The following NELL1 variants were observed in gnomAD, a reference collection of about 807,000 sequenced individuals.
The protein encoded by NELL1 is neural EGFL like 1.
NELL1 carries 76 observed loss-of-function variants against 107.4 expected under a neutral mutation model. The observed-to-expected ratio is 0.71, with a 90% CI of 0.59 to 0.86. The LOEUF (loss-of-function observed/expected upper bound fraction) is 0.86, where lower values mean the gene tolerates loss of function less well. Ranked by LOEUF, NELL1 falls within the 40% of genes least tolerant of loss-of-function variation. NELL1 has a pLI of 0.00. For synonymous variants in NELL1, 353 were observed against 341.2 expected, an observed-to-expected ratio of 1.03 and a Z score of -0.38; for missense variants, 1,024 against 1,005.5, an observed-to-expected ratio of 1.02 and a Z score of -0.25.
intron 14 of NELL1, among the ~76,000 whole-genome samples, chr11:21,316,410 AGCC>A (rs1375810568): frequency 1.3e-5 from 2 of 152,206 alleles, no homozygotes; most frequent in Non-Finnish European, 2.9e-5. Flanking sequence ...AAAAGAAGGA[AGCC>A]AAATCACTCA....
chr11:21,496,814 C>T (rs924836424), intron 15 of NELL1, among the ~76,000 whole-genome samples: 2 of 152,096 alleles, frequency 1.3e-5, no homozygotes, highest in South Asian at 4.1e-4. Flanking sequence ...AAGAAGTAAA[C>T]CATTCCTGTG....
chr11:20,691,597 C>T (rs1167726391), intron 2 of NELL1, among the ~76,000 whole-genome samples: 1 of 152,014 alleles, frequency 6.6e-6, no homozygotes, highest in Non-Finnish European at 1.5e-5. Flanking sequence ...TATTGATTTG[C>T]ATATATTGAA....
At chr11:20,928,205 G>A (rs1351580223) in intron 8 of NELL1, among the ~76,000 whole-genome samples, 172 bp from the exon 9 acceptor site, 2 of 152,182 alleles carry the variant, frequency 1.3e-5, no homozygotes, top group East Asian at 1.9e-4. Context: ...AGGTGGTACA[G>A]GTCATTCGGG....
intron 15 of NELL1, among the ~76,000 whole-genome samples, chr11:21,419,042 C>G (rs1328577523): frequency 1.3e-5 from 2 of 152,112 alleles, no homozygotes; most frequent in African/African-American, 2.4e-5. Context: ...TCTGCCACCC[C>G]CTTAATGACA....
intron 2 of NELL1, among the ~76,000 whole-genome samples, chr11:20,704,184 G>C (rs1006134368): frequency 1.3e-5 from 2 of 152,166 alleles, no homozygotes; most frequent in African/African-American, 2.4e-5. Context: ...GAATCTGGGA[G>C]CTGCTGTATT....
intron 2 of NELL1, among the ~76,000 whole-genome samples, chr11:20,700,566 T>A (rs1412541322): frequency 6.6e-6 from 1 of 152,142 alleles, no homozygotes; most frequent in Non-Finnish European, 1.5e-5. Context: ...CATGCAGGTT[T>A]GTTACATGTG....
intron 14 of NELL1, among the ~76,000 whole-genome samples, chr11:21,346,512 TA>T (rs1323686490): frequency 1.4e-5 from 2 of 147,996 alleles, no homozygotes; most frequent in African/African-American, 2.5e-5. Flanking sequence ...AAATATTAAA[TA>T]AATTATATAT....
At chr11:21,129,581 A>G (rs902697785) in intron 13 of NELL1, among the ~76,000 whole-genome samples, 5 of 152,188 alleles carry the variant, frequency 3.3e-5, no homozygotes, top group African/African-American at 9.6e-5. Context: ...CGTTTTAAAA[A>G]GGTAGGAAAT....
At chr11:20,746,372 T>G (rs1398153062) in intron 2 of NELL1, among the ~76,000 whole-genome samples, 1 of 152,176 alleles carries the variant, frequency 6.6e-6, no homozygotes, top group East Asian at 1.9e-4. Context: ...GTTCAAATCC[T>G]TCTCCCCACT....
intron 3 of NELL1, among the ~76,000 whole-genome samples, chr11:20,831,746 C>T (rs778695268): frequency 1.4e-4 from 21 of 152,124 alleles, no homozygotes; most frequent in Admixed American, 2.6e-4. Context: ...ATTTACCTAA[C>T]GGCCAGTTTA....
intron 12 of NELL1, among the ~76,000 whole-genome samples, chr11:21,022,540 C>T (rs1245598711): frequency 6.6e-6 from 1 of 152,082 alleles, no homozygotes; most frequent in Non-Finnish European, 1.5e-5. Flanking sequence ...TTTTCTCTTT[C>T]CAATTTCCCC....
chr11:20,934,372 G>A (rs1213964957), intron 9 of NELL1, among the ~76,000 whole-genome samples: 1 of 152,184 alleles, frequency 6.6e-6, no homozygotes, highest in African/African-American at 2.4e-5. Flanking sequence ...CAGCACCAAA[G>A]CACCCTGCTA....
intron 12 of NELL1, among the ~76,000 whole-genome samples, chr11:21,000,341 G>A (rs1202722535): frequency 6.6e-6 from 1 of 152,100 alleles, no homozygotes; most frequent in South Asian, 2.1e-4. Context: ...AAGTGTTTGT[G>A]TATTACCTAC....
At chr11:21,271,159 A>G (rs913057896) in intron 14 of NELL1, among the ~76,000 whole-genome samples, 1 of 152,012 alleles carries the variant, frequency 6.6e-6, no homozygotes, top group African/African-American at 2.4e-5. Flanking sequence ...AAAATCAATG[A>G]AATTGAAAAC....
Position 20,755,559 on chromosome 11 carries a change from T to A in NELL1, c.185-28121T>A, listed in dbSNP as rs1288427356. 7.1e-3 allele frequency among the ~76,000 whole-genome samples: 125 copies of A among 17,670 alleles called. 2 individuals carry two copies. The highest frequency in any genetic ancestry group is 0.029 in the South Asian group (8 of 274). The allele number at this position is 17,670 out of a possible 152,430, so 11.6% of individuals were successfully genotyped here. ...GTTTTTGTTTTTTTTTGTTTTTGTTTTTGTTTTTTTTTTTTTGAGACAGAA... is the reference window on the plus strand; with the variant it reads ...GTTTTTGTTTTTTTTTGTTTTTGTTATTGTTTTTTTTTTTTTGAGACAGAA... On this transcript the variant is annotated intron_variant, in intron 2 of 19. Coordinates refer to ENST00000357134, the MANE Select transcript of NELL1 (RefSeq NM_006157.5).
At chr11:21,185,640 C>T (rs1424962560) in intron 13 of NELL1, among the ~76,000 whole-genome samples, 2 of 151,688 alleles carry the variant, frequency 1.3e-5, no homozygotes, top group Non-Finnish European at 2.9e-5. Context: ...GTTAACCTTC[C>T]TAAGCCTCGG....
chr11:21,573,879 A>G (rs1382041494), intron 19 of NELL1, among the ~76,000 whole-genome samples: 1 of 151,406 alleles, frequency 6.6e-6, no homozygotes, highest in East Asian at 2.0e-4. Context: ...AGGGGAAAAA[A>G]GTCCTCTCAA....
intron 2 of NELL1, among the ~76,000 whole-genome samples, chr11:20,696,784 G>A (rs143658261): frequency 3.9e-5 from 6 of 152,198 alleles, no homozygotes; most frequent in African/African-American, 7.2e-5. Flanking sequence ...TTTGTGAATT[G>A]AACAGCCACC....
intron 3 of NELL1, among the ~76,000 whole-genome samples, chr11:20,799,976 G>C (rs1465487138): frequency 6.6e-6 from 1 of 152,074 alleles, no homozygotes; most frequent in Non-Finnish European, 1.5e-5. Flanking sequence ...TTCTGTTCTT[G>C]TGTTAATTCA....
Sources: gnomAD v4.1 joint callset for allele counts (sites outside exome capture counted in the v4.1 genomes callset) on GRCh38, gnomAD v4.1.1 for gene constraint, MANE v1.5 for transcripts, NCBI Gene and HGNC (gene_info 2026-07-23, HGNC 2026-07-21) for gene names.